The following DLG2 variants were observed in gnomAD, a reference collection of about 807,000 sequenced individuals.
DLG2 encodes the protein discs large MAGUK scaffold protein 2.
Under a neutral mutation model 132.5 loss-of-function variants are expected in DLG2, and 45 were observed. The ratio of observed to expected loss-of-function variants is 0.34; its 90% CI spans 0.27 to 0.44. The LOEUF (loss-of-function observed/expected upper bound fraction) is 0.44. DLG2 is among the 20% of genes least tolerant of loss of function. The pLI, the probability that DLG2 is intolerant of heterozygous loss-of-function variation, is 1.00. For missense variants in DLG2, 1,045 were observed against 1,196.9 expected (o/e 0.87, Z 1.87); for synonymous variants, 424 against 419.6 (o/e 1.01, Z -0.13).
At position 83,830,605 on chromosome 11, in the gene DLG2, C is replaced by T. The variant is rs1440180233; in HGVS notation, c.1722+3009G>A. On this transcript the variant is annotated intron_variant, in intron 17 of 27. Transcript: ENST00000376104. ...AGTTCTTTATTGCTTTATGTGTTCC[C>T]GAATGTGATGTGCACACAGTGCGGT... is the stretch of plus-strand genomic sequence containing the variant. Among the ~76,000 whole-genome samples the T allele has an allele frequency of 2.6e-5, 4 of 152,122 alleles. No individual in the cohort carries two copies. In the East Asian group the frequency reaches 5.8e-4, roughly 22 times the overall value.
chr11:83,749,561 G>A (rs2093163607), intron 18 of DLG2, among the ~76,000 whole-genome samples: 1 of 152,074 alleles, frequency 6.6e-6, no homozygotes, highest in East Asian at 1.9e-4. Context: ...CACTTTCTCT[G>A]CACACAGAGC....
intron 18 of DLG2, among the ~76,000 whole-genome samples, chr11:83,737,706 C>T (rs1450785042): frequency 6.6e-6 from 1 of 152,180 alleles, no homozygotes; most frequent in Non-Finnish European, 1.5e-5. Context: ...GTAATCCCAG[C>T]ACTTTGGGAG....
At chr11:84,255,298 C>T (rs2097449709) in intron 7 of DLG2, among the ~76,000 whole-genome samples, 3 of 152,296 alleles carry the variant, frequency 2.0e-5, no homozygotes, top group Admixed American at 6.5e-5. Flanking sequence ...CCACATTTCA[C>T]ACTGCCCTGC....
intron 10 of DLG2, among the ~76,000 whole-genome samples, chr11:84,073,436 A>G (rs2096784559): frequency 6.6e-6 from 1 of 152,200 alleles, no homozygotes; most frequent in Admixed American, 6.5e-5. Context: ...TGAGAGATAT[A>G]TGTAATCCGC....
At chr11:84,705,241 C>T (rs972077908) in intron 6 of DLG2, among the ~76,000 whole-genome samples, 6 of 151,644 alleles carry the variant, frequency 4.0e-5, no homozygotes, top group Admixed American at 2.6e-4. Flanking sequence ...GAGAAGCCCC[C>T]TACACATAGG....
intron 3 of DLG2, among the ~76,000 whole-genome samples, chr11:85,320,911 T>A (rs550268685): frequency 6.6e-6 from 1 of 151,802 alleles, no homozygotes; most frequent in African/African-American, 2.4e-5. Flanking sequence ...TTGGATTTTT[T>A]TTTTCAGTAA....
intron 6 of DLG2, among the ~76,000 whole-genome samples, chr11:85,052,925 G>C (rs1354768196): frequency 6.6e-6 from 1 of 152,114 alleles, no homozygotes; most frequent in African/African-American, 2.4e-5. Flanking sequence ...ACTGTTCCTA[G>C]CTAAAGCCTT....
intron 9 of DLG2, among the ~76,000 whole-genome samples, chr11:84,128,593 T>G (rs548667128): frequency 6.6e-6 from 1 of 152,142 alleles, no homozygotes; most frequent in African/African-American, 2.4e-5. Context: ...TTTTTCTCTA[T>G]CAGGTTTCTT....
intron 4 of DLG2, among the ~76,000 whole-genome samples, chr11:85,261,570 C>T (rs746640249): frequency 2.0e-5 from 3 of 151,890 alleles, no homozygotes; most frequent in African/African-American, 4.8e-5. Context: ...TTGGATCTTG[C>T]GGGAGGAAGG....
intron 4 of DLG2, among the ~76,000 whole-genome samples, chr11:85,191,160 G>GTGCACA (rs1555395200): frequency 2.0e-5 from 2 of 101,106 alleles, no homozygotes; most frequent in African/African-American, 8.8e-5. Context: ...GCGCGCACGC[G>GTGCACA]CGCACACACA....
intron 19 of DLG2, among the ~76,000 whole-genome samples, chr11:83,581,217 T>C (rs2096969656): frequency 6.6e-6 from 1 of 151,996 alleles, no homozygotes. Context: ...TGGAGACATA[T>C]TACTCCCATT....
chr11:84,780,152 C>G (rs535409835), intron 6 of DLG2, among the ~76,000 whole-genome samples: 2 of 151,818 alleles, frequency 1.3e-5, no homozygotes, highest in Non-Finnish European at 2.9e-5. Flanking sequence ...ACTAGCAAAC[C>G]CAATCCAACA....
At chr11:83,809,359 C>T (rs1337655514) in intron 17 of DLG2, among the ~76,000 whole-genome samples, 1 of 152,154 alleles carries the variant, frequency 6.6e-6, no homozygotes, top group African/African-American at 2.4e-5. Flanking sequence ...GTTGCTTATA[C>T]ATAATGCTCT....
chr11:84,646,209 A>G (rs557330935), intron 6 of DLG2, among the ~76,000 whole-genome samples: 4 of 152,356 alleles, frequency 2.6e-5, no homozygotes, highest in Non-Finnish European at 4.4e-5. Flanking sequence ...TGCACACAGT[A>G]GATGGAAGAA....
chr11:85,021,979 G>A (rs942988692), intron 6 of DLG2, among the ~76,000 whole-genome samples: 2 of 151,968 alleles, frequency 1.3e-5, no homozygotes, highest in Non-Finnish European at 2.9e-5. Context: ...TTTAAAGCTA[G>A]AAACTAAAAC....
intron 10 of DLG2, among the ~76,000 whole-genome samples, chr11:84,096,192 T>C (rs147671333): frequency 1.7e-4 from 26 of 152,288 alleles, no homozygotes; most frequent in Non-Finnish European, 3.2e-4. Flanking sequence ...CTTAATTTTC[T>C]GAATCCTTAT....
intron 6 of DLG2, among the ~76,000 whole-genome samples, chr11:84,839,085 T>C (rs1054209266): frequency 1.3e-5 from 2 of 152,120 alleles, no homozygotes; most frequent in African/African-American, 4.8e-5. Context: ...AGTGGATATT[T>C]AGAAAACCCC....
chr11:85,457,254 CTTTTCCATTTGCTTGGTAG>C (rs559556256), intron 3 of DLG2, among the ~76,000 whole-genome samples: 23 of 150,018 alleles, frequency 1.5e-4, no homozygotes, highest in African/African-American at 4.9e-4. Flanking sequence ...TCAACCCCTG[CTTTTCCATTTGCTTGGTAG>C]TTTTCCATTT....
chr11:84,814,845 G>A lies in DLG2; in HGVS notation c.358-280114C>T, dbSNP rs982811883. ...TATTATAATAATAACAATATGGAAA[G>A]AGGTTATTTGCTCAGGAAAATCTCT... On this transcript the variant is annotated intron_variant, in intron 6 of 27. Transcript: ENST00000376104. Among the ~76,000 whole-genome samples the A allele has an allele frequency of 1.4e-4, 22 of 152,118 alleles. 1 individual carries two copies. Among genetic ancestry groups the A allele is most frequent in the Admixed American group, 1.2e-3 (19 of 15,262 alleles).
Sources: gnomAD v4.1 joint callset for allele counts (sites outside exome capture counted in the v4.1 genomes callset) on GRCh38, gnomAD v4.1.1 for gene constraint, MANE v1.5 for transcripts, NCBI Gene and HGNC (gene_info 2026-07-23, HGNC 2026-07-21) for gene names.